SCAI: variants seen among roughly 807,000 people sequenced by gnomAD.
SCAI encodes suppressor of cancer cell invasion.
SCAI carries 24 observed loss-of-function variants against 92.2 expected under a neutral mutation model. That is an observed-to-expected ratio of 0.26 (90% confidence interval 0.19 to 0.37). SCAI has a LOEUF of 0.37. Ranked by LOEUF, SCAI falls within the 10% of genes least tolerant of loss-of-function variation. The pLI is 1.00. For missense variants in SCAI, 450 were observed against 736.2 expected (o/e 0.61, Z 4.50); for synonymous variants, 261 against 258.6 (o/e 1.01, Z -0.09).
At chr9:124,992,447 G>A (rs563554265) in intron 14 of SCAI, among the ~76,000 whole-genome samples, 7 of 151,010 alleles carry the variant, frequency 4.6e-5, no homozygotes, top group African/African-American at 1.5e-4. Context: ...GCAATGGCAC[G>A]ATCTTGGCTC....
intron 3 of SCAI, among the ~76,000 whole-genome samples, chr9:125,032,785 TG>T (rs1301205977): frequency 6.6e-6 from 1 of 151,812 alleles, no homozygotes; most frequent in East Asian, 1.9e-4. Context: ...GGTTAATTTT[TG>T]TATTTTTTTA....
At position 124,958,967 on chromosome 9, in the gene SCAI, T is replaced by C. The variant is rs188924007; in HGVS notation, c.1675-6014A>G. ...CTCTGTAACTTTAAGTAAAGATTTCTGGGATAATACACAAAAACACAAATC... is the reference window on the plus strand; with the variant it reads ...CTCTGTAACTTTAAGTAAAGATTTCCGGGATAATACACAAAAACACAAATC... On this transcript the variant is annotated intron_variant, in intron 17 of 17. Coordinates refer to ENST00000336505, the MANE Select transcript of SCAI (RefSeq NM_001144877.3). 1.8e-3 allele frequency among the ~76,000 whole-genome samples: 268 copies of C among 151,338 alleles called. 1 individual carries two copies. The highest frequency in any genetic ancestry group is 6.1e-3 in the African/African-American group (254 of 41,378).
chr9:124,952,728 G>A lies in SCAI; in HGVS notation c.*79C>T. ...AATAAAAACTAAGTAACACCACTAT[G>A]TGTCTTATCACGTTAGAAAACTGCA... On this transcript the variant is annotated 3_prime_UTR_variant, in exon 18 of 18. Transcript: ENST00000336505. 3.4e-6 allele frequency: 4 copies of A among 1,167,336 alleles called. No homozygotes were observed. The highest frequency in any genetic ancestry group is 4.9e-6 in the Non-Finnish European group (4 of 814,364). 72.3% of individuals were successfully genotyped at this position (1,167,336 alleles called of 1,614,324 possible). A position where few individuals can be genotyped will look rare whatever the true frequency, so the allele number is the denominator to read the frequency against.
chr9:125,059,418 G>A (rs1833731224), intron 2 of SCAI, among the ~76,000 whole-genome samples: 1 of 152,276 alleles, frequency 6.6e-6, no homozygotes, highest in Middle Eastern at 3.4e-3. Flanking sequence ...TGGGGTCTAA[G>A]GACTAGACAG....
chr9:124,942,998 A>C lies in SCAI; in HGVS notation c.*9809T>G, dbSNP rs1831083108. On this transcript the variant is annotated 3_prime_UTR_variant, in exon 18 of 18. Transcript: ENST00000336505. ...AAATCACATCTCATACAAGAGTCAA[A>C]AGTGATGAACTCAAGAAAATAAAAT... 2 of 152,198 alleles carry C rather than the reference A, an allele frequency of 1.3e-5. No homozygotes were observed. The highest frequency in any genetic ancestry group is 2.9e-5 in the Non-Finnish European group (2 of 68,030). 9.4% of individuals were successfully genotyped at this position (152,198 alleles called of 1,614,324 possible).
chr9:125,136,115 C>CT (rs200355256), intron 2 of SCAI, among the ~76,000 whole-genome samples: 6,119 of 142,040 alleles, frequency 0.043, 390 homozygotes, highest in African/African-American at 0.14. Flanking sequence ...ATTAACTTAC[C>CT]TTTTTTTTTT....
At chr9:125,094,571 G>A (rs1025162736) in intron 2 of SCAI, among the ~76,000 whole-genome samples, 3 of 152,164 alleles carry the variant, frequency 2.0e-5, no homozygotes, top group Non-Finnish European at 2.9e-5. Context: ...GCTCCAACAC[G>A]GCTCACTGAA....
rs1335571624 is a variant in SCAI at position 125,062,648 on chromosome 9, A to C, written c.99-6641T>G. 4.6e-5 allele frequency among the ~76,000 whole-genome samples: 7 copies of C among 150,794 alleles called. No individual in the cohort carries two copies. In the East Asian group the frequency reaches 1.4e-3, roughly 30 times the overall value. Reference sequence around the variant, plus strand: ...CACACGCCTGTAATCCCAGCTACTCAGGAGGCTGAGGCAGGAGAATCGCTT... The same window carrying C: ...CACACGCCTGTAATCCCAGCTACTCCGGAGGCTGAGGCAGGAGAATCGCTT... On this transcript the variant is annotated intron_variant, in intron 2 of 17. Coordinates refer to ENST00000336505, the MANE Select transcript of SCAI (RefSeq NM_001144877.3).
At chr9:125,005,592 A>T (rs1832488990) in intron 9 of SCAI, among the ~76,000 whole-genome samples, 1 of 152,176 alleles carries the variant, frequency 6.6e-6, no homozygotes, top group Non-Finnish European at 1.5e-5. Flanking sequence ...CGGCCTCCCA[A>T]AGTGCTGGGA....
chr9:125,001,837 G>A (rs1209736858), intron 12 of SCAI, 128 bp downstream of exon 12: 1 of 597,614 alleles, frequency 1.7e-6, no homozygotes, highest in African/African-American at 1.9e-5. Context: ...TCAACAAATA[G>A]ACCAGGTTTC....
intron 12 of SCAI, among the ~76,000 whole-genome samples, chr9:125,000,603 G>A (rs1200846493): frequency 2.1e-4 from 30 of 144,282 alleles, no homozygotes; most frequent in Non-Finnish European, 1.7e-4. Context: ...CCCTGTCTCA[G>A]AAAAAAAAAA....
chr9:125,034,122 G>A (rs184320129), intron 3 of SCAI, among the ~76,000 whole-genome samples: 2 of 152,278 alleles, frequency 1.3e-5, no homozygotes, highest in Admixed American at 6.5e-5. Flanking sequence ...TGCAGCAGAG[G>A]GAGGGGGCAG....
intron 9 of SCAI, among the ~76,000 whole-genome samples, chr9:125,007,246 C>T (rs1322204411): frequency 2.0e-5 from 3 of 152,072 alleles, no homozygotes; most frequent in Non-Finnish European, 4.4e-5. Context: ...AGCAATAGAA[C>T]AGACCAACAC....
At position 124,971,859 on chromosome 9, in the gene SCAI, A is replaced by T; in HGVS notation, c.1400-15T>A. 1.3e-6 allele frequency: 2 copies of T among 1,537,238 alleles called. No homozygotes were observed. The highest frequency in any genetic ancestry group is 1.8e-6 in the Non-Finnish European group (2 of 1,138,272). ...CTGAGATTGATCTGTAATAACAAAC[A>T]TGTTATATATATAGACAATAGTTTT... is the stretch of plus-strand genomic sequence containing the variant. On this transcript the variant is annotated splice_polypyrimidine_tract_variant and intron_variant, in intron 15 of 17. Transcript: ENST00000336505.
At chr9:124,997,507 A>G (rs2131625145) in intron 13 of SCAI, among the ~76,000 whole-genome samples, 1 of 152,354 alleles carries the variant, frequency 6.6e-6, no homozygotes, top group South Asian at 2.1e-4. Context: ...CTTTATAACC[A>G]GATTGCTCTC....
chr9:125,062,549 G>A (rs1042919292), intron 2 of SCAI, among the ~76,000 whole-genome samples: 4 of 151,180 alleles, frequency 2.6e-5, no homozygotes, highest in African/African-American at 7.3e-5. Flanking sequence ...AAAGGAGTTC[G>A]AGACCAGCCT....
At chr9:125,002,575 C>T (rs1315551538) in intron 11 of SCAI, among the ~76,000 whole-genome samples, 3 of 151,268 alleles carry the variant, frequency 2.0e-5, no homozygotes, top group East Asian at 1.9e-4. Flanking sequence ...CTCCGCCTCC[C>T]GGGTTCAAGT....
intron 10 of SCAI, 28 bp from the exon 11 acceptor site, chr9:125,003,243 C>T: frequency 1.3e-6 from 2 of 1,519,830 alleles, no homozygotes; most frequent in Non-Finnish European, 1.8e-6. Flanking sequence ...AAACATTATA[C>T]ATAAAAGCTG....
chr9:124,999,865 A>T, intron 13 of SCAI, 26 bp downstream of exon 13: 1 of 1,158,146 alleles, frequency 8.6e-7, no homozygotes. Context: ...AATTTTTATA[A>T]TAAGAGTAGA....
Sources: gnomAD v4.1 joint callset for allele counts (sites outside exome capture counted in the v4.1 genomes callset) on GRCh38, gnomAD v4.1.1 for gene constraint, MANE v1.5 for transcripts, NCBI Gene and HGNC (gene_info 2026-07-23, HGNC 2026-07-21) for gene names.